The following RS1 variants were observed in gnomAD, a reference collection of about 807,000 sequenced individuals.
The protein encoded by RS1 is retinoschisin.
Under a neutral mutation model 20.8 loss-of-function variants are expected in RS1, and 2 were observed. The ratio of observed to expected loss-of-function variants is 0.10; its 90% CI spans 0.04 to 0.30. RS1 has a LOEUF of 0.30. RS1 is among the 10% of genes least tolerant of loss of function. RS1 has a pLI of 1.00. For missense variants in RS1, 151 were observed against 189.8 expected (o/e 0.80, Z 1.20); for synonymous variants, 70 against 75.8 (o/e 0.92, Z 0.40).
At chrX:18,663,318 G>A (rs1338304684) in intron 1 of RS1, among the ~76,000 whole-genome samples, 2 of 102,742 alleles carry the variant, frequency 1.9e-5, no homozygotes, top group East Asian at 6.2e-4. Context: ...GATTACAGGC[G>A]TGAGCCACTG....
chrX:18,666,169 T>G (rs1348973065), intron 1 of RS1, among the ~76,000 whole-genome samples: 2 of 103,462 alleles, frequency 1.9e-5, no homozygotes, highest in East Asian at 3.2e-4. Context: ...TGGGTGGGAG[T>G]GGGTGGGGAG....
At chrX:18,654,149 C>CT (rs1186729210) in intron 3 of RS1, among the ~76,000 whole-genome samples, 2,365 of 92,510 alleles carry the variant, frequency 0.026, 54 homozygotes, top group East Asian at 0.083. Flanking sequence ...TTCTCTCTCT[C>CT]TTTTTTTTTT....
Position 18,668,722 on chromosome X carries a change from G to A in RS1, c.52+3295C>T, listed in dbSNP as rs182108986. On this transcript the variant is annotated intron_variant, in intron 1 of 5. Coordinates refer to ENST00000379984, the MANE Select transcript of RS1 (RefSeq NM_000330.4). ...TGAACCTCAACCACATATGCTAAGC[G>A]AAAGACAAAAGACCACATGCTGTGT... Among the ~76,000 whole-genome samples the A allele has an allele frequency of 2.6e-4, 29 of 112,325 alleles. No homozygotes were observed. In the East Asian group the frequency reaches 5.4e-3, roughly 21 times the overall value.
rs1428568196 is a variant in RS1, at chrX:18,672,075, C to G, written c.-7G>C. The G allele has an allele frequency of 1.7e-6, 2 of 1,209,093 alleles. No homozygotes were observed. Among genetic ancestry groups the G allele is most frequent in the Non-Finnish European group, 2.2e-6 (2 of 893,562 alleles). ...CTTCTATCTTGCGTGACATCTTCCC[C>G]TCGTCCTCGGCCAAAGCTCTACCTT... On this transcript the variant is annotated 5_prime_UTR_variant, in exon 1 of 6. Coordinates refer to ENST00000379984, the MANE Select transcript of RS1 (RefSeq NM_000330.4).
chrX:18,652,211 T>C (rs185108984), intron 3 of RS1, among the ~76,000 whole-genome samples: 39 of 111,120 alleles, frequency 3.5e-4, no homozygotes, highest in African/African-American at 1.2e-3. Context: ...CATCGCCCCA[T>C]CTTGGGTGGC....
In RS1 at chrX:18,647,457, C is replaced by G. The variant is rs1054580370; in HGVS notation, c.185-125G>C. 7.2e-6 allele frequency: 5 copies of G among 693,178 alleles called. No individual in the cohort carries two copies. In the African/African-American group the frequency reaches 8.5e-5, roughly 12 times the overall value. 57.1% of individuals were successfully genotyped at this position (693,178 alleles called of 1,213,427 possible). A position where few individuals can be genotyped will look rare whatever the true frequency, so the allele number is the denominator to read the frequency against. On this transcript the variant is annotated intron_variant, in intron 3 of 5. Coordinates refer to ENST00000379984, the MANE Select transcript of RS1 (RefSeq NM_000330.4). ...GAGACGGAGAAGGCTTTACCTGTCT[C>G]TGTGGTTCACAATGGGTACAGCTGT...
chrX:18,647,153 T>A (rs775223322), intron 4 of RS1, 38 bp downstream of exon 4: 69 of 1,200,744 alleles, frequency 5.7e-5, no homozygotes, highest in South Asian at 5.3e-4. Flanking sequence ...TATTTTTTTT[T>A]AAAAGCACAT....
intron 1 of RS1, among the ~76,000 whole-genome samples, chrX:18,664,515 C>A (rs190919385): frequency 9.0e-6 from 1 of 110,575 alleles, no homozygotes; most frequent in Admixed American, 9.6e-5. Flanking sequence ...GTAGTCCCAG[C>A]TACTCAGGAG....
intron 1 of RS1, among the ~76,000 whole-genome samples, chrX:18,666,646 G>A (rs1279895808): frequency 9.0e-6 from 1 of 111,667 alleles, no homozygotes; most frequent in East Asian, 2.8e-4. Flanking sequence ...TGGCAACAGG[G>A]TCCGGTTCCG....
At chrX:18,662,471 G>C (rs753958644) in intron 1 of RS1, among the ~76,000 whole-genome samples, 8 of 110,432 alleles carry the variant, frequency 7.2e-5, no homozygotes, top group Admixed American at 2.9e-4. Flanking sequence ...CCCACGACAG[G>C]CCCCAGTGTG....
intron 4 of RS1, 100 bp downstream of exon 4, chrX:18,647,091 A>AT (rs772637727): frequency 1.0e-6 from 1 of 1,000,025 alleles, no homozygotes; most frequent in African/African-American, 1.9e-5. Context: ...AATTTTTTGT[A>AT]TTTTTAGTAG....
chrX:18,640,799 A>T lies in RS1; in HGVS notation c.*1205T>A, dbSNP rs778130202. On this transcript the variant is annotated 3_prime_UTR_variant, in exon 6 of 6. Coordinates refer to ENST00000379984, the MANE Select transcript of RS1 (RefSeq NM_000330.4). ...CCTCTGATTCCACCACCTGCTCTCC[A>T]TATCCCTCTCCTGCCCCTCCCCCGT... 1 of 112,114 alleles carries T rather than the reference A, an allele frequency of 8.9e-6. No individual in the cohort carries two copies. The highest frequency in any genetic ancestry group is 2.8e-4 in the East Asian group (1 of 3,529). 9.2% of individuals were successfully genotyped at this position (112,114 alleles called of 1,213,427 possible).
At chrX:18,655,331 G>A (rs768621553) in intron 3 of RS1, among the ~76,000 whole-genome samples, 1 of 112,150 alleles carries the variant, frequency 8.9e-6, no homozygotes, top group East Asian at 2.8e-4. Flanking sequence ...AGCCATGCTT[G>A]AGCATTTACA....
intron 1 of RS1, among the ~76,000 whole-genome samples, chrX:18,664,525 G>A (rs1289638130): frequency 9.1e-6 from 1 of 110,441 alleles, no homozygotes; most frequent in Non-Finnish European, 1.9e-5. Context: ...CTACTCAGGA[G>A]GCTGAGGCGG....
intron 4 of RS1, among the ~76,000 whole-genome samples, chrX:18,645,031 A>G (rs1927721811): frequency 9.0e-6 from 1 of 111,347 alleles, no homozygotes. Flanking sequence ...CTCTCTTCAC[A>G]CCTATTTGTG....
intron 5 of RS1, among the ~76,000 whole-genome samples, chrX:18,643,865 G>A (rs958591538): frequency 2.7e-5 from 3 of 110,257 alleles, no homozygotes; most frequent in Non-Finnish European, 5.7e-5. Flanking sequence ...AGTCTACTGC[G>A]TTTAGTCAAT....
intron 3 of RS1, among the ~76,000 whole-genome samples, chrX:18,649,289 G>A (rs1004041457): frequency 1.8e-5 from 2 of 111,320 alleles, no homozygotes; most frequent in Non-Finnish European, 3.8e-5. Flanking sequence ...AGGCTGGAGT[G>A]CTGTGGCGCA....
chrX:18,646,193 C>T, intron 4 of RS1: 4 of 1,143,669 alleles, frequency 3.5e-6, no homozygotes, highest in Non-Finnish European at 4.7e-6. Flanking sequence ...GCTCTGTCGC[C>T]CAGGCTGGTG....
chrX:18,661,427 T>A (rs1928305914), intron 1 of RS1, among the ~76,000 whole-genome samples: 1 of 111,338 alleles, frequency 9.0e-6, no homozygotes, highest in African/African-American at 3.3e-5. Context: ...AGCAGGCGTG[T>A]GTTACAGAGT....
Sources: gnomAD v4.1 joint callset for allele counts (sites outside exome capture counted in the v4.1 genomes callset) on GRCh38, gnomAD v4.1.1 for gene constraint, MANE v1.5 for transcripts, NCBI Gene and HGNC (gene_info 2026-07-23, HGNC 2026-07-21) for gene names.